The following DRC11L variants were observed in gnomAD, a reference collection of about 807,000 sequenced individuals.
DRC11L encodes dynein regulatory complex subunit 11 like.
chr7:151,197,276 CTT>C, the DRC11L span: 52 of 399,164 alleles, frequency 1.3e-4, no homozygotes, highest in Non-Finnish European at 4.4e-6. Context: ...TTGCTCTTCT[CTT>C]GTTCCTTTTT....
At chr7:151,193,906 C>CAA in the DRC11L span, among the ~76,000 whole-genome samples, 4,559 of 116,216 alleles carry the variant, frequency 0.039, 126 homozygotes, top group African/African-American at 0.08. Flanking sequence ...GACTCTATCT[C>CAA]AAAAAAAAAA....
chr7:151,204,459 C>A, the DRC11L span: 2 of 398,972 alleles, frequency 5.0e-6, no homozygotes, highest in Non-Finnish European at 8.8e-6. Flanking sequence ...CCCACCTCTC[C>A]CCTCCCGCTA....
At chr7:151,192,499 G>T in the DRC11L span, 4 of 398,658 alleles carry the variant, frequency 1.0e-5, no homozygotes. Context: ...GGGCACAGTG[G>T]CCCAGCGTAT....
At chr7:151,202,158 C>G in the DRC11L span, among the ~76,000 whole-genome samples, 2 of 152,068 alleles carry the variant, frequency 1.3e-5, no homozygotes, top group Non-Finnish European at 2.9e-5. Flanking sequence ...AAAAGGTGAC[C>G]CAGAAGGCAC....
the DRC11L span, chr7:151,202,829 C>T: frequency 7.5e-6 from 3 of 398,848 alleles, no homozygotes; most frequent in Non-Finnish European, 1.3e-5. Flanking sequence ...CACTTGCACT[C>T]CTGTGATCAA....
At chr7:151,192,342 G>T in the DRC11L span, 1 of 399,214 alleles carries the variant, frequency 2.5e-6, no homozygotes, top group South Asian at 1.3e-4. Context: ...CACAGACCCC[G>T]CATCTCGGCC....
the DRC11L span, among the ~76,000 whole-genome samples, chr7:151,192,050 G>C: frequency 9.2e-5 from 14 of 152,194 alleles, no homozygotes; most frequent in Non-Finnish European, 1.9e-4. Context: ...GCTAGGCAAG[G>C]GTCATCCTCC....
chr7:151,194,666 A>C, the DRC11L span: 6 of 398,872 alleles, frequency 1.5e-5, no homozygotes, highest in Middle Eastern at 6.3e-4. Flanking sequence ...AACACAGGGA[A>C]ATGGAGGCAG....
At chr7:151,193,332 C>G in the DRC11L span, 1 of 399,714 alleles carries the variant, frequency 2.5e-6, no homozygotes, top group Non-Finnish European at 4.4e-6. Flanking sequence ...CCATTCCTGC[C>G]AGGATATTTG....
the DRC11L span, chr7:151,191,190 C>G: frequency 1.4e-4 from 55 of 399,702 alleles, no homozygotes; most frequent in Non-Finnish European, 1.3e-4. Context: ...CTCCTCTCCT[C>G]CTGGGTTTGG....
the DRC11L span, chr7:151,196,447 C>T: frequency 5.0e-6 from 2 of 399,154 alleles, no homozygotes; most frequent in Admixed American, 4.4e-5. Flanking sequence ...TGTGCTCACA[C>T]CTGTATCCGG....
At chr7:151,196,867 AC>A in the DRC11L span, 2 of 398,468 alleles carry the variant, frequency 5.0e-6, no homozygotes, top group Non-Finnish European at 8.8e-6. Flanking sequence ...TTGCCTACAC[AC>A]CCACACTGCC....
At chr7:151,198,299 G>T in the DRC11L span, among the ~76,000 whole-genome samples, 1 of 151,852 alleles carries the variant, frequency 6.6e-6, no homozygotes, top group Admixed American at 6.6e-5. Flanking sequence ...GATAGATGGA[G>T]AGGTAGGTAG....
the DRC11L span, among the ~76,000 whole-genome samples, chr7:151,196,810 C>G: frequency 6.6e-6 from 1 of 152,196 alleles, no homozygotes; most frequent in African/African-American, 2.4e-5. Context: ...CGCCCCCACC[C>G]GAAGAAGCAC....
the DRC11L span, chr7:151,194,735 T>C: frequency 7.6e-6 from 3 of 393,938 alleles, no homozygotes; most frequent in Non-Finnish European, 1.3e-5. Context: ...CAACATTCTG[T>C]GGTCAAAAAC....
the DRC11L span, chr7:151,195,641 A>G: frequency 5.9e-3 from 2,370 of 399,650 alleles, 11 homozygotes; most frequent in Non-Finnish European, 8.7e-3. Context: ...TCAGCTCCTG[A>G]CGCATCAGCT....
At chr7:151,197,359 A>G in the DRC11L span, 4 of 399,026 alleles carry the variant, frequency 1.0e-5, no homozygotes, top group African/African-American at 4.1e-5. Context: ...ATTTCAGAGA[A>G]GATCAAGGGG....
At chr7:151,191,761 G>C in the DRC11L span, 1 of 399,064 alleles carries the variant, frequency 2.5e-6, no homozygotes, top group African/African-American at 2.1e-5. Context: ...GCACCGATTG[G>C]ATGGCTTGGA....
chr7:151,195,947 C>G, the DRC11L span: 1 of 293,720 alleles, frequency 3.4e-6, no homozygotes, highest in East Asian at 5.6e-5. Flanking sequence ...GAATTCAAAC[C>G]GAAGATCCCC....
Sources: allele counts gnomAD v4.1 joint callset (sites outside exome capture counted in the v4.1 genomes callset), GRCh38; gene constraint gnomAD v4.1.1; transcripts MANE v1.5; gene names NCBI Gene and HGNC (gene_info 2026-07-23, HGNC 2026-07-21).